The following PABPC4L variants were observed in gnomAD, a reference collection of about 807,000 sequenced individuals.
PABPC4L encodes polyadenylate-binding protein 4-like.
For synonymous variants in PABPC4L, 169 were observed against 164.1 expected (o/e 1.03, Z -0.23); for missense variants, 452 against 451.4 (o/e 1.00, Z -0.01).
the PABPC4L span, among the ~76,000 whole-genome samples, chr4:134,067,898 T>G: frequency 6.6e-6 from 1 of 152,172 alleles, no homozygotes; most frequent in Non-Finnish European, 1.5e-5. Flanking sequence ...GTGTAGTTTT[T>G]ATGAGTTTGG....
the PABPC4L span, among the ~76,000 whole-genome samples, chr4:134,147,298 G>C: frequency 6.6e-6 from 1 of 151,988 alleles, no homozygotes; most frequent in Non-Finnish European, 1.5e-5. Flanking sequence ...ATAATAAGTA[G>C]AAAATATTCT....
At chr4:134,071,361 TC>T in the PABPC4L span, among the ~76,000 whole-genome samples, 3 of 152,120 alleles carry the variant, frequency 2.0e-5, no homozygotes, top group Non-Finnish European at 4.4e-5. Flanking sequence ...TGGTAGATGT[TC>T]CTTCTAGCTG....
chr4:134,089,831 T>C, the PABPC4L span, among the ~76,000 whole-genome samples: 4 of 152,176 alleles, frequency 2.6e-5, no homozygotes, highest in African/African-American at 9.6e-5. Flanking sequence ...TCTGGAACCA[T>C]GCCCCTGTGT....
chr4:134,169,234 T>A, the PABPC4L span, among the ~76,000 whole-genome samples: 4 of 152,040 alleles, frequency 2.6e-5, no homozygotes, highest in African/African-American at 9.7e-5. Context: ...TGATAAAACT[T>A]TTGATAAAGT....
the PABPC4L span, chr4:134,010,528 T>C: frequency 6.6e-6 from 1 of 152,160 alleles, no homozygotes; most frequent in East Asian, 1.9e-4. Context: ...TAAAAGCTTA[T>C]TTCTCCCTTT....
the PABPC4L span, among the ~76,000 whole-genome samples, chr4:133,963,749 A>T: frequency 2.0e-5 from 3 of 152,168 alleles, no homozygotes; most frequent in Non-Finnish European, 4.4e-5. Context: ...TGAAATCAAG[A>T]TGAAAATTTA....
At chr4:134,019,714 C>T in the PABPC4L span, among the ~76,000 whole-genome samples, 1 of 152,100 alleles carries the variant, frequency 6.6e-6, no homozygotes, top group East Asian at 1.9e-4. Flanking sequence ...TGCTAATAGA[C>T]AACCCTAGAA....
chr4:134,062,045 A>G, the PABPC4L span, among the ~76,000 whole-genome samples: 7 of 151,896 alleles, frequency 4.6e-5, no homozygotes, highest in African/African-American at 1.7e-4. Context: ...CTTAAATCTA[A>G]TGGAATATCA....
chr4:134,028,087 T>C, the PABPC4L span, among the ~76,000 whole-genome samples: 2 of 152,108 alleles, frequency 1.3e-5, no homozygotes, highest in South Asian at 2.1e-4. Flanking sequence ...ATCAGCATCA[T>C]TGGGAACTTG....
At chr4:134,053,360 G>A in the PABPC4L span, among the ~76,000 whole-genome samples, 1 of 152,082 alleles carries the variant, frequency 6.6e-6, no homozygotes, top group Non-Finnish European at 1.5e-5. Context: ...GATAGAGCAA[G>A]GTCTCCTCAA....
chr4:134,056,007 A>G, the PABPC4L span, among the ~76,000 whole-genome samples: 2 of 151,978 alleles, frequency 1.3e-5, no homozygotes, highest in Admixed American at 6.6e-5. Flanking sequence ...TATGAGACAT[A>G]GATTGAGTTT....
chr4:134,110,559 TTG>T, the PABPC4L span, among the ~76,000 whole-genome samples: 1,651 of 144,670 alleles, frequency 0.011, 21 homozygotes, highest in Middle Eastern at 0.032. Flanking sequence ...TCTCTCTGTC[TTG>T]TGTGTGTGTG....
At chr4:133,976,264 C>T in the PABPC4L span, among the ~76,000 whole-genome samples, 4 of 152,184 alleles carry the variant, frequency 2.6e-5, no homozygotes, top group South Asian at 2.1e-4. Context: ...GCTCCATTCA[C>T]GTCCCTGGAA....
chr4:134,188,428 T>C, the PABPC4L span, among the ~76,000 whole-genome samples: 4 of 152,170 alleles, frequency 2.6e-5, no homozygotes, highest in Admixed American at 6.6e-5. Flanking sequence ...ATGTTAATTA[T>C]TGACTTATAA....
At chr4:134,101,833 T>A in the PABPC4L span, among the ~76,000 whole-genome samples, 1 of 151,540 alleles carries the variant, frequency 6.6e-6, no homozygotes, top group African/African-American at 2.4e-5. Context: ...AAGGCATCTA[T>A]CATAGCTAAA....
chr4:134,165,085 A>G, the PABPC4L span, among the ~76,000 whole-genome samples: 3 of 152,204 alleles, frequency 2.0e-5, no homozygotes, highest in African/African-American at 4.8e-5. Context: ...AGCCACATGC[A>G]GAAGAATGAA....
the PABPC4L span, among the ~76,000 whole-genome samples, chr4:133,987,181 T>C: frequency 6.6e-6 from 1 of 152,188 alleles, no homozygotes; most frequent in African/African-American, 2.4e-5. Context: ...AAGACAAATG[T>C]CAATACTGCT....
chr4:134,028,097 G>C, the PABPC4L span, among the ~76,000 whole-genome samples: 1 of 152,102 alleles, frequency 6.6e-6, no homozygotes, highest in South Asian at 2.1e-4. Flanking sequence ...TTGGGAACTT[G>C]TTAGAAATGC....
chr4:134,052,939 G>A, the PABPC4L span, among the ~76,000 whole-genome samples: 3 of 152,014 alleles, frequency 2.0e-5, no homozygotes, highest in African/African-American at 7.2e-5. Flanking sequence ...ATAGTAATTA[G>A]GTATTTTAAA....
Sources: allele counts gnomAD v4.1 joint callset (sites outside exome capture counted in the v4.1 genomes callset), GRCh38; gene constraint gnomAD v4.1.1; transcripts MANE v1.5; gene names NCBI Gene and HGNC (gene_info 2026-07-23, HGNC 2026-07-21).